Variants in DNM3 observed in about 807,000 individuals in gnomAD.
DNM3 encodes the protein dynamin 3.
DNM3 carries 47 observed loss-of-function variants against 101.6 expected under a neutral mutation model. The ratio of observed to expected loss-of-function variants is 0.46; its 90% CI spans 0.37 to 0.59. DNM3 has a LOEUF of 0.59. DNM3 is among the 20% of genes least tolerant of loss of function. DNM3 has a pLI of 0.00. For missense variants in DNM3, 849 were observed against 1,085.7 expected (o/e 0.78, Z 3.06); for synonymous variants, 385 against 387.9 (o/e 0.99, Z 0.09).
chr1:171,940,739 T>C (rs1489314976), intron 2 of DNM3, among the ~76,000 whole-genome samples: 1 of 152,198 alleles, frequency 6.6e-6, no homozygotes, highest in East Asian at 1.9e-4. Context: ...TCTCATTCCC[T>C]ATCAAAACCC....
At chr1:171,920,254 G>A (rs904711367) in intron 1 of DNM3, among the ~76,000 whole-genome samples, 1 of 152,136 alleles carries the variant, frequency 6.6e-6, no homozygotes, top group Admixed American at 6.5e-5. Context: ...ACTGTCCTTT[G>A]CCTATTTTAT....
chr1:172,065,098 A>G (rs1417076307), intron 10 of DNM3, among the ~76,000 whole-genome samples: 1 of 152,172 alleles, frequency 6.6e-6, no homozygotes. Context: ...TCTCTACTTC[A>G]TGGGATATTC....
intron 14 of DNM3, among the ~76,000 whole-genome samples, chr1:172,174,530 G>A (rs142228951): frequency 1.1e-4 from 17 of 151,788 alleles, no homozygotes; most frequent in African/African-American, 3.6e-4. Flanking sequence ...CAAGTTACAC[G>A]TTGTTGATTT....
chr1:172,136,232 T>C (rs1190300257), intron 14 of DNM3, among the ~76,000 whole-genome samples: 2 of 152,194 alleles, frequency 1.3e-5, no homozygotes, highest in African/African-American at 2.4e-5. Flanking sequence ...TTACTTAGCA[T>C]TGTTTTCATT....
intron 17 of DNM3, among the ~76,000 whole-genome samples, chr1:172,344,359 T>C (rs902129688): frequency 1.3e-5 from 2 of 152,222 alleles, no homozygotes; most frequent in African/African-American, 4.8e-5. Flanking sequence ...TTGTCTTCTA[T>C]TCTCGTCTTC....
chr1:172,376,262 A>G (rs2068595813), intron 17 of DNM3: 1 of 152,086 alleles, frequency 6.6e-6, no homozygotes, highest in African/African-American at 2.4e-5. Context: ...CACGTTTTTT[A>G]AACAGCATCA....
chr1:171,960,939 G>A (rs1040153948), intron 2 of DNM3, among the ~76,000 whole-genome samples: 1 of 152,104 alleles, frequency 6.6e-6, no homozygotes, highest in Non-Finnish European at 1.5e-5. Flanking sequence ...GGGTAAGGGA[G>A]GCAGTTGAGT....
At chr1:171,919,046 G>A (rs1232061650) in intron 1 of DNM3, among the ~76,000 whole-genome samples, 2 of 151,728 alleles carry the variant, frequency 1.3e-5, no homozygotes, top group Non-Finnish European at 2.9e-5. Context: ...GCATTATTCA[G>A]GCCATTCATC....
chr1:172,310,452 A>C (rs1434365517), intron 16 of DNM3: 4 of 152,232 alleles, frequency 2.6e-5, no homozygotes, highest in African/African-American at 7.2e-5. Context: ...CCATTATTTA[A>C]GATAGTGATA....
chr1:172,336,034 T>G (rs2066409743), intron 17 of DNM3, among the ~76,000 whole-genome samples: 1 of 152,108 alleles, frequency 6.6e-6, no homozygotes. Flanking sequence ...TTAGCTTGAA[T>G]TTAGCAATGT....
At chr1:172,363,652 C>G (rs2067860766) in intron 17 of DNM3, among the ~76,000 whole-genome samples, 1 of 151,816 alleles carries the variant, frequency 6.6e-6, no homozygotes, top group Admixed American at 6.6e-5. Flanking sequence ...AGTTGCCATA[C>G]TAATCTTCCT....
chr1:172,224,348 A>T (rs889633662), intron 14 of DNM3, among the ~76,000 whole-genome samples: 1 of 152,198 alleles, frequency 6.6e-6, no homozygotes, highest in Non-Finnish European at 1.5e-5. Context: ...AGGCTAAATT[A>T]CTGAATTCAT....
At chr1:172,320,034 A>C (rs548986683) in intron 16 of DNM3, among the ~76,000 whole-genome samples, 1 of 151,884 alleles carries the variant, frequency 6.6e-6, no homozygotes, top group Admixed American at 6.6e-5. Flanking sequence ...CATATACACC[A>C]TGGAATACTA....
rs115725127 is a variant in DNM3, at chr1:172,147,503, C to T, written c.1659+16215C>T. 3.1e-3 allele frequency among the ~76,000 whole-genome samples: 468 copies of T among 152,096 alleles called. 2 individuals are homozygous for T. The highest frequency in any genetic ancestry group is 0.011 in the African/African-American group (450 of 41,526). On this transcript the variant is annotated intron_variant, in intron 14 of 20. Coordinates refer to ENST00000627582, the MANE Select transcript of DNM3 (RefSeq NM_015569.5). The stretch of plus-strand genomic sequence containing the variant: ...GTTTTGGGTGACTACAAAATTTGCT[C>T]TATTATAAAGGGTTATTAAAAGGAA...
chr1:172,172,795 G>A (rs988771861), intron 14 of DNM3, among the ~76,000 whole-genome samples: 7 of 151,870 alleles, frequency 4.6e-5, no homozygotes, highest in South Asian at 4.2e-4. Flanking sequence ...TTCCCATCCC[G>A]AGTAGGCAGG....
intron 17 of DNM3, among the ~76,000 whole-genome samples, chr1:172,351,372 G>A (rs1036678318): frequency 6.6e-6 from 1 of 152,046 alleles, no homozygotes; most frequent in Admixed American, 6.6e-5. Context: ...CCAAATATTT[G>A]TTAAAATTTT....
At chr1:172,016,921 T>G (rs12091784) in intron 4 of DNM3, among the ~76,000 whole-genome samples, 48,303 of 152,036 alleles carry the variant, frequency 0.32, 9,860 homozygotes, top group African/African-American at 0.58. Context: ...GTGCAGTGTT[T>G]CAATCATAGC....
chr1:172,205,788 T>C (rs1160474675), intron 14 of DNM3, among the ~76,000 whole-genome samples: 1 of 152,150 alleles, frequency 6.6e-6, no homozygotes, highest in Non-Finnish European at 1.5e-5. Context: ...TTTCAGATTA[T>C]TTTGTAGATA....
intron 17 of DNM3, among the ~76,000 whole-genome samples, chr1:172,362,740 C>A (rs1374822197): frequency 4.0e-5 from 6 of 151,300 alleles, no homozygotes; most frequent in Admixed American, 2.6e-4. Flanking sequence ...ACATTCTGCA[C>A]CTCACCCTCC....
Sources: allele counts gnomAD v4.1 joint callset (sites outside exome capture counted in the v4.1 genomes callset), GRCh38; gene constraint gnomAD v4.1.1; transcripts MANE v1.5; gene names NCBI Gene and HGNC (gene_info 2026-07-23, HGNC 2026-07-21).